The following AFG2A variants were observed in gnomAD, a reference collection of about 807,000 sequenced individuals.
The protein encoded by AFG2A is ATPase family gene 2 protein homolog A.
the AFG2A span, among the ~76,000 whole-genome samples, chr4:123,037,852 G>A: frequency 2.6e-5 from 4 of 151,954 alleles, no homozygotes; most frequent in South Asian, 4.1e-4. Context: ...CTCTTTTAAG[G>A]ACTTAGAACA....
At chr4:122,926,623 A>C in the AFG2A span, among the ~76,000 whole-genome samples, 1 of 152,140 alleles carries the variant, frequency 6.6e-6, no homozygotes, top group Non-Finnish European at 1.5e-5. Flanking sequence ...TTTCTTTTTT[A>C]TTACAGAATA....
chr4:123,019,385 C>T, the AFG2A span, among the ~76,000 whole-genome samples: 801 of 151,956 alleles, frequency 5.3e-3, 7 homozygotes, highest in African/African-American at 0.018. Context: ...ATATGTTAAA[C>T]CATACATACA....
At chr4:123,009,193 A>G in the AFG2A span, among the ~76,000 whole-genome samples, 5 of 152,334 alleles carry the variant, frequency 3.3e-5, no homozygotes, top group East Asian at 1.9e-4. Flanking sequence ...AACACACTTA[A>G]TTCTCCCAGC....
the AFG2A span, among the ~76,000 whole-genome samples, chr4:123,205,562 C>G: frequency 1.3e-5 from 2 of 152,066 alleles, no homozygotes; most frequent in Non-Finnish European, 2.9e-5. Context: ...TTAGCTATTA[C>G]AAGCAATCTA....
At chr4:123,006,917 A>G in the AFG2A span, among the ~76,000 whole-genome samples, 2 of 142,214 alleles carry the variant, frequency 1.4e-5, no homozygotes, top group Non-Finnish European at 1.5e-5. Context: ...TTCCATTTGC[A>G]AAGTTATTTT....
At chr4:122,983,970 G>A in the AFG2A span, among the ~76,000 whole-genome samples, 1 of 152,124 alleles carries the variant, frequency 6.6e-6, no homozygotes, top group Admixed American at 6.5e-5. Context: ...ATGGGACAAA[G>A]GGATTCGAAC....
At chr4:123,225,404 G>C in the AFG2A span, among the ~76,000 whole-genome samples, 4 of 152,248 alleles carry the variant, frequency 2.6e-5, no homozygotes, top group South Asian at 8.3e-4. Flanking sequence ...GTAAGGAAGG[G>C]ATCCAGTTTC....
the AFG2A span, among the ~76,000 whole-genome samples, chr4:123,006,790 C>T: frequency 5.9e-5 from 9 of 152,024 alleles, no homozygotes; most frequent in Non-Finnish European, 1.3e-4. Flanking sequence ...CTTCTAATGT[C>T]CTTGTCTACT....
the AFG2A span, among the ~76,000 whole-genome samples, chr4:123,048,124 C>A: frequency 3.9e-5 from 6 of 152,016 alleles, no homozygotes; most frequent in African/African-American, 1.4e-4. Context: ...CTGTTCTTTC[C>A]CCAGTGTGTG....
the AFG2A span, among the ~76,000 whole-genome samples, chr4:123,182,974 A>G: frequency 6.6e-6 from 1 of 152,234 alleles, no homozygotes; most frequent in South Asian, 2.1e-4. Context: ...AACTTAGTAC[A>G]GTACTTTCCA....
the AFG2A span, among the ~76,000 whole-genome samples, chr4:123,176,397 C>T: frequency 4.6e-5 from 7 of 152,120 alleles, no homozygotes; most frequent in African/African-American, 1.7e-4. Flanking sequence ...TCTCAAATAT[C>T]CCTTCTGTTT....
At chr4:123,042,743 A>G in the AFG2A span, among the ~76,000 whole-genome samples, 12 of 152,148 alleles carry the variant, frequency 7.9e-5, no homozygotes, top group Non-Finnish European at 1.5e-4. Flanking sequence ...TCAAGCATCT[A>G]TACTATACAT....
At chr4:123,058,529 G>T in the AFG2A span, among the ~76,000 whole-genome samples, 1 of 152,228 alleles carries the variant, frequency 6.6e-6, no homozygotes, top group Non-Finnish European at 1.5e-5. Context: ...GGAGGCTGAG[G>T]CAGGAGAATT....
chr4:123,231,319 A>T, the AFG2A span, among the ~76,000 whole-genome samples: 1 of 151,990 alleles, frequency 6.6e-6, no homozygotes, highest in African/African-American at 2.4e-5. Context: ...CTGCCTGACC[A>T]TGCACTTTTA....
At chr4:122,934,051 TA>T in the AFG2A span, 219 of 1,499,750 alleles carry the variant, frequency 1.5e-4, no homozygotes, top group South Asian at 8.2e-4. Context: ...ATTAAACTGG[TA>T]AAAAAAATTA....
At chr4:122,967,467 C>T in the AFG2A span, among the ~76,000 whole-genome samples, 6 of 151,898 alleles carry the variant, frequency 4.0e-5, no homozygotes, top group Non-Finnish European at 5.9e-5. Context: ...TGTTTTTCTT[C>T]TTTAGTCACC....
the AFG2A span, among the ~76,000 whole-genome samples, chr4:123,208,343 A>G: frequency 6.6e-6 from 1 of 152,330 alleles, no homozygotes; most frequent in South Asian, 2.1e-4. Flanking sequence ...CTTAGAGGAA[A>G]TCATGGGGTA....
At chr4:122,953,500 G>C in the AFG2A span, among the ~76,000 whole-genome samples, 1 of 152,208 alleles carries the variant, frequency 6.6e-6, no homozygotes, top group Non-Finnish European at 1.5e-5. Flanking sequence ...GTGGCCTCTG[G>C]TCCCCAGGTA....
chr4:123,312,721 A>G, the AFG2A span, among the ~76,000 whole-genome samples: 1 of 152,184 alleles, frequency 6.6e-6, no homozygotes, highest in Non-Finnish European at 1.5e-5. Flanking sequence ...ATGCATAACC[A>G]CTACAGTTAA....
Sources: gnomAD v4.1 joint callset for allele counts (sites outside exome capture counted in the v4.1 genomes callset) on GRCh38, gnomAD v4.1.1 for gene constraint, MANE v1.5 for transcripts, NCBI Gene and HGNC (gene_info 2026-07-23, HGNC 2026-07-21) for gene names.